The following CRIM1 variants were observed in gnomAD, a reference collection of about 807,000 sequenced individuals.
CRIM1 encodes the protein cysteine rich transmembrane BMP regulator 1.
In CRIM1, 32 loss-of-function variants were observed where a neutral mutation model predicts 116.4. The ratio of observed to expected loss-of-function variants is 0.27; its 90% confidence interval spans 0.21 to 0.37. The LOEUF is 0.37. Among genes scored for constraint, CRIM1 ranks in the 10% least tolerant of loss-of-function variants. CRIM1 has a pLI of 1.00. For missense variants in CRIM1, 1,331 were observed against 1,354.8 expected, an observed-to-expected ratio of 0.98 and a Z score of 0.28; for synonymous variants, 590 against 509.2, an observed-to-expected ratio of 1.16 and a Z score of -2.13.
At chr2:36,374,984 AT>A (rs373802493) in intron 1 of CRIM1, among the ~76,000 whole-genome samples, 22 of 151,116 alleles carry the variant, frequency 1.5e-4, no homozygotes, top group African/African-American at 5.1e-4. Flanking sequence ...AGGTAGAGAC[AT>A]TTTAATTCTG....
chr2:36,537,506 G>C lies in CRIM1; in HGVS notation c.2583G>C (p.Glu861Asp), dbSNP rs765899698. The part of the protein sequence containing the change: ...TVSCPPLPCV[E>D]PINVEGSCCP... The stretch of plus-strand genomic sequence containing the variant: ...GCTGCCCCCCTCTGCCCTGTGTTGA[G>C]CCCATCAACGTGGAAGGAAGTTGCT... The change falls in exon 14 of 17, where the codon GAG (glutamate) becomes GAC (aspartate). Residue 861 changes from glutamate to aspartate, a missense_variant. Around this residue, in one of 3 missense-constraint regions of CRIM1, gnomAD observed 283 missense variants for 242.8 expected, o/e 1.17. Transcript: ENST00000280527. 12 of 1,613,522 alleles carry C rather than the reference G, an allele frequency of 7.4e-6. No homozygotes were observed. The highest frequency in any genetic ancestry group is 1.7e-5 in the Admixed American group (1 of 59,898).
chr2:36,356,191 G>A lies in CRIM1; in HGVS notation c.-102G>A, dbSNP rs569447610. On this transcript the variant is annotated 5_prime_UTR_variant, in exon 1 of 17. Coordinates refer to ENST00000280527, the MANE Select transcript of CRIM1 (RefSeq NM_016441.3). The surrounding 1 kb of genome is among the most constrained non-coding windows in gnomAD (Gnocchi z 4.3). ...CCGAGAGGGGCGGTGAGGACCGCGG[G>A]CTGCTGGTGCGGCGGCGGCGGCGCG... The A allele has an allele frequency of 1.8e-3, 725 of 408,108 alleles. 1 individual carries two copies. Among genetic ancestry groups the A allele is most frequent in the African/African-American group, 0.016 (682 of 43,256 alleles). 25.3% of individuals were successfully genotyped at this position (408,108 alleles called of 1,614,324 possible).
chr2:36,378,503 G>T, intron 1 of CRIM1: 1 of 430,640 alleles, frequency 2.3e-6, no homozygotes. Flanking sequence ...TCTGGATGAA[G>T]CTCACAGCTC....
Position 36,464,809 on chromosome 2 carries a change from G to A in CRIM1, c.991+154G>A, listed in dbSNP as rs554565372. ...CAAAAAGGTTTGCTTAAGATCCACA[G>A]TGCAGTAAAGAAAGTTAGGTTAGGA... On this transcript the variant is annotated intron_variant, in intron 5 of 16. Transcript: ENST00000280527. 2.9e-3 allele frequency among the ~76,000 whole-genome samples: 448 copies of A among 152,274 alleles called. 5 individuals carry two copies. Among genetic ancestry groups the A allele is most frequent in the African/African-American group, 0.01 (425 of 41,526 alleles).
In CRIM1 at chr2:36,447,563, G is replaced by C. The variant is rs540812422; in HGVS notation, c.869+4828G>C. 5.3e-5 allele frequency among the ~76,000 whole-genome samples: 8 copies of C among 152,292 alleles called. 1 individual carries two copies. In the South Asian group the frequency reaches 1.7e-3, roughly 32 times the overall value. Reference sequence around the variant, plus strand: ...GAAACTCAGCTGGGATGGCTGGAAAGACCCCTCTCCCTACATGATGTCAGA... The same window carrying C: ...GAAACTCAGCTGGGATGGCTGGAAACACCCCTCTCCCTACATGATGTCAGA... On this transcript the variant is annotated intron_variant, in intron 4 of 16. Transcript: ENST00000280527.
chr2:36,501,140 G>T (rs532067287), intron 8 of CRIM1, among the ~76,000 whole-genome samples: 1 of 151,910 alleles, frequency 6.6e-6, no homozygotes, highest in Non-Finnish European at 1.5e-5. Flanking sequence ...CATTCTCTTC[G>T]ATCTCTCTCA....
Position 36,453,883 on chromosome 2 carries a change from G to A in CRIM1, c.870-10651G>A, listed in dbSNP as rs116849290. On this transcript the variant is annotated intron_variant, in intron 4 of 16. Coordinates refer to ENST00000280527, the MANE Select transcript of CRIM1 (RefSeq NM_016441.3). ...GTTCACAAGATGGAGAAAGAGAGAA[G>A]GGCATTCTAGGCTGTTGTTGATTTT... is the stretch of plus-strand genomic sequence containing the variant. Among the ~76,000 whole-genome samples the A allele has an allele frequency of 5.9e-5, 9 of 152,282 alleles. No homozygotes were observed. In the East Asian group the frequency reaches 1.7e-3, roughly 29 times the overall value.
At chr2:36,487,632 A>G (rs1450863716) in intron 7 of CRIM1, among the ~76,000 whole-genome samples, 2 of 152,154 alleles carry the variant, frequency 1.3e-5, no homozygotes, top group South Asian at 4.1e-4. Flanking sequence ...CAGTAAAATA[A>G]AGGCACTTTG....
chr2:36,419,356 A>T (rs1673878985), intron 2 of CRIM1, among the ~76,000 whole-genome samples: 1 of 152,236 alleles, frequency 6.6e-6, no homozygotes, highest in South Asian at 2.1e-4. Context: ...GATTGAACAC[A>T]TGGTTCAGTA....
intron 2 of CRIM1, among the ~76,000 whole-genome samples, chr2:36,423,064 G>C (rs1674189825): frequency 6.6e-6 from 1 of 152,178 alleles, no homozygotes; most frequent in South Asian, 2.1e-4. Flanking sequence ...CCATACTAGA[G>C]TATTTTACAG....
rs999849471 is a variant in CRIM1 at position 36,356,744 on chromosome 2, G to T, written c.331+121G>T. 5.2e-6 allele frequency: 5 copies of T among 967,706 alleles called. No homozygotes were observed. Among genetic ancestry groups the T allele is most frequent in the Non-Finnish European group, 7.5e-6 (5 of 669,428 alleles). The allele number at this position is 967,706 out of a possible 1,614,324, so 59.9% of individuals were successfully genotyped here. A position where few individuals can be genotyped will look rare whatever the true frequency, so the allele number is the denominator to read the frequency against. On this transcript the variant is annotated intron_variant, in intron 1 of 16. Transcript: ENST00000280527. This position sits in a 1 kb window ranked among gnomAD's most constrained non-coding sequence, Gnocchi z 4.3. Reference sequence around the variant, plus strand: ...GAAAGAGGGCTCTGCGGGAAGAGGGGCGGCCGCCGCCCCCAGGAGAGTGCC... The same window carrying T: ...GAAAGAGGGCTCTGCGGGAAGAGGGTCGGCCGCCGCCCCCAGGAGAGTGCC...
At chr2:36,357,300 T>C (rs1668912175) in intron 1 of CRIM1, among the ~76,000 whole-genome samples, 2 of 151,906 alleles carry the variant, frequency 1.3e-5, no homozygotes, top group Admixed American at 1.3e-4. Flanking sequence ...GGGGTGGGGG[T>C]TGCACCTGGG....
chr2:36,510,225 G>A (rs1411549521), intron 9 of CRIM1, 86 bp downstream of exon 9: 2 of 1,326,228 alleles, frequency 1.5e-6, no homozygotes, highest in African/African-American at 2.9e-5. Flanking sequence ...TGTTGTTTGT[G>A]AATTAATCTA....
At chr2:36,515,880 C>A (rs752690153) in intron 11 of CRIM1, among the ~76,000 whole-genome samples, 23 of 152,236 alleles carry the variant, frequency 1.5e-4, no homozygotes, top group Non-Finnish European at 2.1e-4. Flanking sequence ...TTGCTATATT[C>A]ATTTATCGAT....
intron 4 of CRIM1, among the ~76,000 whole-genome samples, chr2:36,460,417 ATTTCTT>A (rs1677489437): frequency 6.6e-6 from 1 of 152,160 alleles, no homozygotes; most frequent in South Asian, 2.1e-4. Context: ...TGAGTACAGG[ATTTCTT>A]TTTGAGATGA....
Position 36,513,693 on chromosome 2 carries a change from C to T in CRIM1, c.1918C>T (p.Leu640=). The change falls in exon 11 of 17, where the codon CTG becomes TTG. Residue 640 remains leucine (L), a synonymous_variant. Transcript: ENST00000280527. ...TCTCAATGGACGGGAAATGTGTGCC[C>T]TGATCACCTGCCCGGTGCCTGCCTG... ...YCLNGREMCA[L]ITCPVPACGN... 6.2e-7 allele frequency: 1 copy of T among 1,614,224 alleles called. No homozygotes were observed. Among genetic ancestry groups the T allele is most frequent in the Non-Finnish European group, 8.5e-7 (1 of 1,180,038 alleles).
At position 36,490,063 on chromosome 2, in the gene CRIM1, A is replaced by G. The variant is rs533866265; in HGVS notation, c.1373-9156A>G. 2.0e-5 allele frequency among the ~76,000 whole-genome samples: 3 copies of G among 152,294 alleles called. No homozygotes were observed. In the South Asian group the frequency reaches 6.2e-4, roughly 32 times the overall value. On this transcript the variant is annotated intron_variant, in intron 7 of 16. Coordinates refer to ENST00000280527, the MANE Select transcript of CRIM1 (RefSeq NM_016441.3). Reference sequence around the variant, plus strand: ...GATGCTTTTCACGTTATCAGTGGAGACAAAAAATGATGCTTAAGTTACAAC... The same window carrying G: ...GATGCTTTTCACGTTATCAGTGGAGGCAAAAAATGATGCTTAAGTTACAAC...
intron 11 of CRIM1, 72 bp from the exon 12 acceptor site, chr2:36,517,255 A>G: frequency 8.0e-7 from 1 of 1,253,650 alleles, no homozygotes; most frequent in Non-Finnish European, 1.2e-6. Flanking sequence ...CTTAAAGCAA[A>G]CAGCACCAGG....
At chr2:36,547,263 G>C in intron 16 of CRIM1, 92 bp downstream of exon 16, 2 of 1,070,550 alleles carry the variant, frequency 1.9e-6, no homozygotes, top group Non-Finnish European at 2.8e-6. Context: ...GTCTTAACCA[G>C]TGAAGTTTTT....
Sources: allele counts gnomAD v4.1 joint callset (sites outside exome capture counted in the v4.1 genomes callset), GRCh38; gene constraint gnomAD v4.1.1; regional missense constraint gnomAD v4.1.1; non-coding constraint Gnocchi (gnomAD v3.1); transcripts MANE v1.5; gene names NCBI Gene and HGNC (gene_info 2026-07-23, HGNC 2026-07-21).